Variants in ATP9B observed in about 807,000 individuals in gnomAD.
The protein encoded by ATP9B is ATPase phospholipid transporting 9B.
Under a neutral mutation model 146.1 loss-of-function variants are expected in ATP9B, and 110 were observed. The ratio of observed to expected loss-of-function variants is 0.75; its 90% CI spans 0.65 to 0.88. The LOEUF is 0.88. ATP9B is among the 40% of genes least tolerant of loss of function. The pLI, the probability that ATP9B is intolerant of heterozygous loss-of-function variation, is 0.00. For synonymous variants in ATP9B, 604 were observed against 569.7 expected, an observed-to-expected ratio of 1.06 and a Z score of -0.86; for missense variants, 1,499 against 1,496.4, an observed-to-expected ratio of 1.00 and a Z score of -0.03.
chr18:79,126,757 C>G (rs1410042496), intron 5 of ATP9B, among the ~76,000 whole-genome samples: 1 of 152,176 alleles, frequency 6.6e-6, no homozygotes, highest in African/African-American at 2.4e-5. Flanking sequence ...ATGTCTATAC[C>G]ATGGCATTAA....
intron 11 of ATP9B, among the ~76,000 whole-genome samples, chr18:79,231,503 A>T (rs2095790989): frequency 6.6e-6 from 1 of 152,122 alleles, no homozygotes; most frequent in African/African-American, 2.4e-5. Context: ...GCTGGTGTGG[A>T]TGTGGTGATC....
At chr18:79,341,324 C>A (rs931980657) in intron 19 of ATP9B, among the ~76,000 whole-genome samples, 1 of 137,852 alleles carries the variant, frequency 7.3e-6, no homozygotes, top group Non-Finnish European at 1.6e-5. Context: ...ATGTGTGTAG[C>A]GTGACCTCGT....
At chr18:79,120,661 T>C (rs751258647) in intron 4 of ATP9B, among the ~76,000 whole-genome samples, 47 of 152,230 alleles carry the variant, frequency 3.1e-4, no homozygotes, top group Non-Finnish European at 2.4e-4. Flanking sequence ...AATGTCATGC[T>C]TCTATCAAAA....
chr18:79,244,548 A>G (rs938265026), intron 11 of ATP9B, among the ~76,000 whole-genome samples: 1 of 152,166 alleles, frequency 6.6e-6, no homozygotes, highest in African/African-American at 2.4e-5. Context: ...CATATTTAGT[A>G]ACTTTCTTCA....
At chr18:79,247,906 A>G (rs1476672858) in intron 11 of ATP9B, among the ~76,000 whole-genome samples, 2 of 152,234 alleles carry the variant, frequency 1.3e-5, no homozygotes, top group Non-Finnish European at 2.9e-5. Context: ...AGGTTATGAA[A>G]TAATTCTTTC....
chr18:79,187,587 C>T (rs1015975617), intron 8 of ATP9B, among the ~76,000 whole-genome samples: 1 of 152,216 alleles, frequency 6.6e-6, no homozygotes, highest in Non-Finnish European at 1.5e-5. Context: ...AAGGTGGTCT[C>T]TGCCGAGCCA....
intron 8 of ATP9B, among the ~76,000 whole-genome samples, chr18:79,190,511 TACACAC>T (rs68063845): frequency 7.4e-4 from 107 of 143,662 alleles, no homozygotes; most frequent in Admixed American, 3.2e-3. Context: ...TTTTTATTTA[TACACAC>T]ACACACACAC....
chr18:79,228,514 ATTGG>A (rs2095757580), intron 11 of ATP9B, among the ~76,000 whole-genome samples: 1 of 152,140 alleles, frequency 6.6e-6, no homozygotes, highest in South Asian at 2.1e-4. Context: ...TGCATCTGTC[ATTGG>A]TTGGGGATTA....
At chr18:79,167,902 G>A (rs1459055775) in intron 7 of ATP9B, among the ~76,000 whole-genome samples, 2 of 100,590 alleles carry the variant, frequency 2.0e-5, no homozygotes, top group Non-Finnish European at 3.7e-5. Context: ...TTCCCAGGCT[G>A]TTTGTCCCAA....
intron 5 of ATP9B, among the ~76,000 whole-genome samples, chr18:79,132,141 G>T (rs1029751410): frequency 2.1e-5 from 3 of 145,382 alleles, no homozygotes; most frequent in Admixed American, 6.8e-5. Flanking sequence ...ATAAAATGTT[G>T]AGGAAGACCT....
At chr18:79,335,565 C>T (rs542640362) in intron 17 of ATP9B, among the ~76,000 whole-genome samples, 18 of 152,334 alleles carry the variant, frequency 1.2e-4, no homozygotes, top group African/African-American at 3.6e-4. Context: ...CATCAGGCCC[C>T]GTGACTCCTG....
At chr18:79,130,328 G>C (rs900095209) in intron 5 of ATP9B, among the ~76,000 whole-genome samples, 16 of 152,130 alleles carry the variant, frequency 1.1e-4, no homozygotes, top group Admixed American at 3.3e-4. Flanking sequence ...ACACTCACTG[G>C]AGGGATTCAG....
intron 11 of ATP9B, among the ~76,000 whole-genome samples, chr18:79,240,574 C>T (rs978797533): frequency 2.6e-5 from 4 of 152,090 alleles, no homozygotes; most frequent in South Asian, 2.1e-4. Context: ...GGACAAACCC[C>T]GTCTCTACTA....
intron 11 of ATP9B, among the ~76,000 whole-genome samples, chr18:79,251,684 A>G (rs955671299): frequency 6.6e-6 from 1 of 152,238 alleles, no homozygotes; most frequent in African/African-American, 2.4e-5. Context: ...ATTAATCAAA[A>G]CCAGATATAA....
intron 6 of ATP9B, chr18:79,146,871 A>G (rs1342660563): frequency 6.6e-6 from 1 of 152,594 alleles, no homozygotes; most frequent in Non-Finnish European, 1.5e-5. Flanking sequence ...AACAAATAAT[A>G]AAATGCAGAC....
intron 5 of ATP9B, among the ~76,000 whole-genome samples, chr18:79,130,763 A>G (rs2094365126): frequency 6.6e-6 from 1 of 152,156 alleles, no homozygotes; most frequent in South Asian, 2.1e-4. Flanking sequence ...ATCAGAAGCC[A>G]TGGAGGTCTG....
intron 8 of ATP9B, among the ~76,000 whole-genome samples, chr18:79,191,001 C>T (rs576598658): frequency 1.3e-5 from 2 of 152,192 alleles, no homozygotes; most frequent in South Asian, 2.1e-4. Flanking sequence ...TGATATTCCT[C>T]TGGTGGATGT....
At chr18:79,195,493 G>GA (rs894291677) in intron 9 of ATP9B, among the ~76,000 whole-genome samples, 2 of 152,062 alleles carry the variant, frequency 1.3e-5, no homozygotes, top group African/African-American at 2.4e-5. Flanking sequence ...AGCAAGGAAA[G>GA]AAAAAACCTC....
chr18:79,282,538 G>T (rs1465504362), intron 13 of ATP9B, among the ~76,000 whole-genome samples: 1 of 152,166 alleles, frequency 6.6e-6, no homozygotes, highest in Non-Finnish European at 1.5e-5. Flanking sequence ...TCAGATGATT[G>T]TTAGCACGTT....
Sources: gnomAD v4.1 joint callset for allele counts (sites outside exome capture counted in the v4.1 genomes callset) on GRCh38, gnomAD v4.1.1 for gene constraint, MANE v1.5 for transcripts, NCBI Gene and HGNC (gene_info 2026-07-23, HGNC 2026-07-21) for gene names.